The following RNF182 variants were observed in gnomAD, a reference collection of about 807,000 sequenced individuals.
RNF182 encodes the protein ring finger protein 182.
In RNF182, 15 loss-of-function variants were observed where a neutral mutation model predicts 14.4. The observed-to-expected ratio is 1.04, with a 90% CI of 0.70 to 1.60. RNF182 has a LOEUF of 1.60. Among genes scored for constraint, RNF182 ranks in the 40% most tolerant of loss-of-function variants. The pLI is 0.00. For missense variants in RNF182, 268 were observed against 294.8 expected (o/e 0.91, Z 0.67); for synonymous variants, 128 against 122.9 (o/e 1.04, Z -0.27).
At chr6:13,962,030 A>G (rs937240507) in intron 1 of RNF182, among the ~76,000 whole-genome samples, 19 of 152,334 alleles carry the variant, frequency 1.2e-4, no homozygotes, top group African/African-American at 4.1e-4. Flanking sequence ...AATGAAAGGC[A>G]TAGTAAAACC....
At position 13,947,624 on chromosome 6, in the gene RNF182, C is replaced by T. The variant is rs559358223; in HGVS notation, c.-367+22601C>T. On this transcript the variant is annotated intron_variant, in intron 1 of 2. Transcript: ENST00000488300. ...GCAAATATGAGTTGGATAAGTTTCTCTCCTCTGGATGTCCCAAGATATTTG... is the reference window on the plus strand; with the variant it reads ...GCAAATATGAGTTGGATAAGTTTCTTTCCTCTGGATGTCCCAAGATATTTG... 1.8e-3 allele frequency among the ~76,000 whole-genome samples: 278 copies of T among 152,282 alleles called. 2 individuals are homozygous for T. Among genetic ancestry groups the T allele is most frequent in the Non-Finnish European group, 3.0e-3 (203 of 68,024 alleles).
At chr6:13,974,679 T>G (rs1168932704) in intron 2 of RNF182, among the ~76,000 whole-genome samples, 1 of 152,248 alleles carries the variant, frequency 6.6e-6, no homozygotes, top group Non-Finnish European at 1.5e-5. Flanking sequence ...TGTGACCTGC[T>G]GACTGTCAAA....
intron 1 of RNF182, among the ~76,000 whole-genome samples, chr6:13,964,848 T>G (rs280187): frequency 0.44 from 67,039 of 151,962 alleles, 15,190 homozygotes; most frequent in Middle Eastern, 0.53. Flanking sequence ...CATAGTTGGG[T>G]GCGTCCTTTG....
chr6:13,949,691 G>A, intron 1 of RNF182: 1 of 274,008 alleles, frequency 3.6e-6, no homozygotes, highest in South Asian at 5.4e-5. Flanking sequence ...TTGTTTCTCA[G>A]TTATTGAATA....
intron 1 of RNF182, among the ~76,000 whole-genome samples, chr6:13,958,824 G>T (rs1205015156): frequency 6.6e-6 from 1 of 152,164 alleles, no homozygotes; most frequent in Non-Finnish European, 1.5e-5. Flanking sequence ...ATTGAGATCT[G>T]CTGTGGTTTT....
At chr6:13,940,696 T>A (rs916684204) in intron 1 of RNF182, among the ~76,000 whole-genome samples, 1 of 152,130 alleles carries the variant, frequency 6.6e-6, no homozygotes, top group Non-Finnish European at 1.5e-5. Context: ...AGATTATTGA[T>A]TTTCAACTTT....
At chr6:13,960,202 A>G (rs1360337053) in intron 1 of RNF182, among the ~76,000 whole-genome samples, 2 of 152,240 alleles carry the variant, frequency 1.3e-5, no homozygotes, top group East Asian at 1.9e-4. Context: ...CTCTGCTTTC[A>G]GGAACCTTGT....
At chr6:13,956,345 A>G (rs1228828595) in intron 1 of RNF182, among the ~76,000 whole-genome samples, 2 of 145,578 alleles carry the variant, frequency 1.4e-5, no homozygotes, top group African/African-American at 2.6e-5. Flanking sequence ...TTTTTTTGAG[A>G]TGGAGTCTTG....
chr6:13,966,982 G>A (rs952310036), intron 1 of RNF182, among the ~76,000 whole-genome samples: 8 of 151,850 alleles, frequency 5.3e-5, no homozygotes, highest in African/African-American at 1.7e-4. Context: ...GACCACAGGC[G>A]TGCACCACCA....
At chr6:13,962,787 A>G (rs1221217000) in intron 1 of RNF182, among the ~76,000 whole-genome samples, 2 of 152,210 alleles carry the variant, frequency 1.3e-5, no homozygotes, top group Non-Finnish European at 2.9e-5. Flanking sequence ...TCTCCTGTTG[A>G]TGCCGCATTA....
chr6:13,933,639 A>G (rs1457760338), intron 1 of RNF182, among the ~76,000 whole-genome samples: 1 of 152,240 alleles, frequency 6.6e-6, no homozygotes, highest in Admixed American at 6.5e-5. Flanking sequence ...GAGATTTTAA[A>G]CATTTTCATT....
chr6:13,956,459 G>A lies in RNF182; in HGVS notation c.-366-17751G>A, dbSNP rs906298165. On this transcript the variant is annotated intron_variant, in intron 1 of 2. Transcript: ENST00000488300. ...CCTGCCTCAGCCTCCCTAGTAGCTGGGATTACAGATGCATGCCACCACACC... is the reference window on the plus strand; with the variant it reads ...CCTGCCTCAGCCTCCCTAGTAGCTGAGATTACAGATGCATGCCACCACACC... Among the ~76,000 whole-genome samples the A allele has an allele frequency of 2.6e-4, 40 of 152,036 alleles. No individual in the cohort carries two copies. The South Asian group carries it at 7.9e-3, about 30-fold the overall frequency.
chr6:13,970,782 G>A (rs1372210609), intron 1 of RNF182, among the ~76,000 whole-genome samples: 4 of 152,034 alleles, frequency 2.6e-5, no homozygotes, highest in Admixed American at 6.6e-5. Context: ...AAAAATTAAT[G>A]GACTTACATA....
chr6:13,926,155 T>C (rs1254864610), intron 1 of RNF182, among the ~76,000 whole-genome samples: 1 of 152,206 alleles, frequency 6.6e-6, no homozygotes, highest in African/African-American at 2.4e-5. Context: ...ACATATAAAA[T>C]TGTATATCCA....
intron 1 of RNF182, among the ~76,000 whole-genome samples, chr6:13,956,251 G>A (rs1759726571): frequency 1.3e-5 from 2 of 149,418 alleles, no homozygotes; most frequent in African/African-American, 4.9e-5. Context: ...CCAGCTGTCT[G>A]TTTTTAGCTT....
At chr6:13,956,812 A>G (rs1400786924) in intron 1 of RNF182, among the ~76,000 whole-genome samples, 2 of 152,158 alleles carry the variant, frequency 1.3e-5, no homozygotes, top group Admixed American at 6.6e-5. Context: ...TGTATTTATA[A>G]TTTAAAAGCT....
chr6:13,944,722 T>TGA (rs1434210408), intron 1 of RNF182, among the ~76,000 whole-genome samples: 1 of 152,186 alleles, frequency 6.6e-6, no homozygotes, highest in Non-Finnish European at 1.5e-5. Flanking sequence ...AATACACCTG[T>TGA]GAGGTCAGTA....
At chr6:13,949,962 A>AT (rs1356838224) in intron 1 of RNF182, among the ~76,000 whole-genome samples, 1 of 152,218 alleles carries the variant, frequency 6.6e-6, no homozygotes. Context: ...CTTTTACAAG[A>AT]TTAATTTTTC....
At chr6:13,927,920 C>T (rs1244024434) in intron 1 of RNF182, among the ~76,000 whole-genome samples, 1 of 152,178 alleles carries the variant, frequency 6.6e-6, no homozygotes, top group Non-Finnish European at 1.5e-5. Context: ...GCCCTGAGAC[C>T]TCAAGACAAA....
Sources: allele counts gnomAD v4.1 joint callset (sites outside exome capture counted in the v4.1 genomes callset), GRCh38; gene constraint gnomAD v4.1.1; transcripts MANE v1.5; gene names NCBI Gene and HGNC (gene_info 2026-07-23, HGNC 2026-07-21).